Variants in GLYATL2 observed in about 807,000 individuals in gnomAD.
The protein encoded by GLYATL2 is glycine N-acyltransferase-like protein 2.
GLYATL2 carries 25 observed loss-of-function variants against 21.4 expected under a neutral mutation model. The ratio of observed to expected loss-of-function variants is 1.17; its 90% CI spans 0.85 to 1.63. The LOEUF is 1.63. GLYATL2 is among the 40% of genes most tolerant of loss of function. The pLI, the probability that GLYATL2 is intolerant of heterozygous loss-of-function variation, is 0.00. For missense variants in GLYATL2, 361 were observed against 343.3 expected, an observed-to-expected ratio of 1.05 and a Z score of -0.41; for synonymous variants, 114 against 118.2, an observed-to-expected ratio of 0.96 and a Z score of 0.23.
At chr11:58,896,841 A>G (rs1854644597) in intron 1 of GLYATL2, among the ~76,000 whole-genome samples, 2 of 152,178 alleles carry the variant, frequency 1.3e-5, no homozygotes, top group East Asian at 3.9e-4. Flanking sequence ...CCAACGTTTC[A>G]TATAGGAATT....
chr11:58,896,267 C>T (rs575999136), intron 1 of GLYATL2, among the ~76,000 whole-genome samples: 2 of 152,258 alleles, frequency 1.3e-5, no homozygotes, highest in African/African-American at 4.8e-5. Flanking sequence ...TCATGCATCA[C>T]CTAAATGGCA....
At chr11:58,871,814 G>A (rs1449426510) in intron 1 of GLYATL2, among the ~76,000 whole-genome samples, 1 of 152,172 alleles carries the variant, frequency 6.6e-6, no homozygotes, top group African/African-American at 2.4e-5. Context: ...TGGGATGGCT[G>A]GGTCAATTGG....
At chr11:58,877,531 A>G (rs910999611) in intron 1 of GLYATL2, among the ~76,000 whole-genome samples, 4 of 152,214 alleles carry the variant, frequency 2.6e-5, no homozygotes, top group African/African-American at 9.6e-5. Flanking sequence ...AAAATTAAGA[A>G]ATTGGGGAGA....
At chr11:58,846,185 T>C (rs893902122), upstream of GLYATL2, among the ~76,000 whole-genome samples, 52 of 152,256 alleles carry the variant, frequency 3.4e-4, no homozygotes, top group African/African-American at 1.1e-3. Flanking sequence ...GAACACATAT[T>C]TTTTTTCTAT....
intron 1 of GLYATL2, among the ~76,000 whole-genome samples, chr11:58,852,973 A>G (rs1853767310): frequency 6.6e-6 from 1 of 152,188 alleles, no homozygotes; most frequent in Admixed American, 6.6e-5. Context: ...TGAGTAAAGT[A>G]TCTCTATATC....
In GLYATL2 at chr11:58,834,664, A is replaced by G. The variant is rs1179412297; in HGVS notation, c.650T>C (p.Met217Thr). Reference sequence around the variant, plus strand: ...CATTCTCAACTCACAGGACTGTTCCATCACAATCCAAGAGACAAGCTGGCC... The same window carrying G: ...CATTCTCAACTCACAGGACTGTTCCGTCACAATCCAAGAGACAAGCTGGCC... Reference protein sequence around the residue: ...PEGQLVSWIVMEQSCELRMGY... With the variant: ...PEGQLVSWIVTEQSCELRMGY... Residue 217 changes from methionine to threonine, a missense_variant, in exon 6 of 6, where the codon ATG becomes ACG. Physicochemically the swap from Met to Thr is moderately conservative, Grantham distance 81. Coordinates refer to ENST00000287275, the MANE Select transcript of GLYATL2 (RefSeq NM_145016.4). 1.2e-6 allele frequency: 2 copies of G among 1,613,364 alleles called. No individual in the cohort carries two copies. The highest frequency in any genetic ancestry group is 2.2e-5 in the East Asian group (1 of 44,896).
intron 1 of GLYATL2, among the ~76,000 whole-genome samples, chr11:58,852,863 T>C (rs1156841226): frequency 1.3e-4 from 20 of 152,196 alleles, no homozygotes; most frequent in Admixed American, 1.3e-3. Context: ...TCCTTAAGAG[T>C]TGCTCTCTGT....
intron 1 of GLYATL2, among the ~76,000 whole-genome samples, chr11:58,877,850 C>A (rs1318809609): frequency 1.3e-5 from 2 of 152,198 alleles, no homozygotes; most frequent in East Asian, 3.8e-4. Flanking sequence ...TAAATACAGT[C>A]TGAGAAGGAC....
chr11:58,900,611 C>T (rs1854720083), intron 1 of GLYATL2, among the ~76,000 whole-genome samples: 1 of 152,104 alleles, frequency 6.6e-6, no homozygotes, highest in Non-Finnish European at 1.5e-5. Context: ...GTAGGTTTGC[C>T]TAAAGACAGG....
At chr11:58,861,450 A>T (rs1283839653) in intron 1 of GLYATL2, among the ~76,000 whole-genome samples, 5 of 151,402 alleles carry the variant, frequency 3.3e-5, no homozygotes, top group Admixed American at 6.6e-5. Flanking sequence ...TTTTATTTTT[A>T]TCTTTTTTTC....
chr11:58,846,778 C>A (rs1441734743), upstream of GLYATL2, among the ~76,000 whole-genome samples: 1 of 152,112 alleles, frequency 6.6e-6, no homozygotes, highest in Non-Finnish European at 1.5e-5. Context: ...GACTGCAACT[C>A]TTAAGTGAGT....
At chr11:58,853,119 C>T (rs892627245) in intron 1 of GLYATL2, among the ~76,000 whole-genome samples, 1 of 152,200 alleles carries the variant, frequency 6.6e-6, no homozygotes, top group African/African-American at 2.4e-5. Context: ...ATGAATTCAT[C>T]TAAGTAACGT....
intron 1 of GLYATL2, among the ~76,000 whole-genome samples, chr11:58,880,565 G>T (rs1169676504): frequency 6.6e-6 from 1 of 152,022 alleles, no homozygotes; most frequent in African/African-American, 2.4e-5. Context: ...GAAGACAATA[G>T]TAAAACACAA....
intron 1 of GLYATL2, among the ~76,000 whole-genome samples, chr11:58,843,169 G>C (rs1164939896): frequency 6.6e-6 from 1 of 152,192 alleles, no homozygotes; most frequent in South Asian, 2.1e-4. Context: ...CACAGGGTTA[G>C]AAAAAAAGAG....
At chr11:58,897,125 A>G (rs1854648870) in intron 1 of GLYATL2, among the ~76,000 whole-genome samples, 1 of 152,216 alleles carries the variant, frequency 6.6e-6, no homozygotes, top group East Asian at 1.9e-4. Flanking sequence ...AAAGGCATCC[A>G]CTTGGGAGAA....
upstream of GLYATL2, among the ~76,000 whole-genome samples, chr11:58,847,664 T>C (rs1394822901): frequency 6.6e-6 from 1 of 152,194 alleles, no homozygotes; most frequent in East Asian, 1.9e-4. Context: ...TCAGCTCAAC[T>C]GCAATATAAT....
chr11:58,876,101 A>T (rs1186339440), intron 1 of GLYATL2, among the ~76,000 whole-genome samples: 1 of 152,162 alleles, frequency 6.6e-6, no homozygotes. Context: ...AGGCTTGTGC[A>T]TTCATCACGT....
intron 1 of GLYATL2, among the ~76,000 whole-genome samples, chr11:58,863,701 T>C (rs1853973382): frequency 6.6e-6 from 1 of 152,052 alleles, no homozygotes; most frequent in Non-Finnish European, 1.5e-5. Flanking sequence ...GTTGGGTGTA[T>C]GAGTTCTGGC....
chr11:58,868,074 G>A (rs1046239556), intron 1 of GLYATL2, among the ~76,000 whole-genome samples: 3 of 148,710 alleles, frequency 2.0e-5, no homozygotes, highest in African/African-American at 7.3e-5. Context: ...GATGGGAGAG[G>A]AGCCTACAGA....
Sources: allele counts gnomAD v4.1 joint callset (sites outside exome capture counted in the v4.1 genomes callset), GRCh38; gene constraint gnomAD v4.1.1; transcripts MANE v1.5; gene names NCBI Gene and HGNC (gene_info 2026-07-23, HGNC 2026-07-21).